Variants in ADGRB1 observed in about 807,000 individuals in gnomAD.
The protein encoded by ADGRB1 is brain-specific angiogenesis inhibitor 1.
Under a neutral mutation model 175.7 loss-of-function variants are expected in ADGRB1, and 36 were observed. The observed-to-expected ratio is 0.20, with a 90% CI of 0.16 to 0.27. ADGRB1 has a LOEUF of 0.27. Ranked by LOEUF, ADGRB1 falls within the 10% of genes least tolerant of loss-of-function variation. The probability of loss-of-function intolerance (pLI) is 1.00; values close to 1 mark genes in which losing one functional copy is unlikely to be tolerated. For missense variants in ADGRB1, 1,731 were observed against 2,255.3 expected (o/e 0.77, Z 4.71); for synonymous variants, 1,054 against 979.4 (o/e 1.08, Z -1.42).
chr8:142,478,435 G>A (rs1385664491), intron 7 of ADGRB1, 75 bp downstream of exon 7: 6 of 1,437,648 alleles, frequency 4.2e-6, no homozygotes, highest in Non-Finnish European at 5.5e-6. Flanking sequence ...AGGCCCCACA[G>A]CGGGTGGGGG....
At position 142,493,063 on chromosome 8, in the gene ADGRB1, C is replaced by T. The variant is rs1156571158; in HGVS notation, c.2675+2248C>T. Among the ~76,000 whole-genome samples, 4 of 151,938 alleles carry T rather than the reference C, an allele frequency of 2.6e-5. No individual in the cohort carries two copies. Among genetic ancestry groups the T allele is most frequent in the Admixed American group, 6.5e-5 (1 of 15,274 alleles). ...GCGATCTTGCGAGGACAGCTTCACC[C>T]GTACTTCTGATTGCTCCCTGGGGAT... On this transcript the variant is annotated intron_variant, in intron 17 of 30. Coordinates refer to ENST00000517894, the MANE Select transcript of ADGRB1 (RefSeq NM_001702.3). This position sits in a 1 kb window ranked among gnomAD's most constrained non-coding sequence, Gnocchi z 5.0.
chr8:142,544,584 G>A lies in ADGRB1; in HGVS notation c.*167G>A. The A allele has an allele frequency of 3.7e-6, 3 of 804,908 alleles. No homozygotes were observed. Among genetic ancestry groups the A allele is most frequent in the Non-Finnish European group, 5.3e-6 (3 of 570,972 alleles). 49.9% of individuals were successfully genotyped at this position (804,908 alleles called of 1,614,324 possible). On this transcript the variant is annotated 3_prime_UTR_variant, in exon 31 of 31. Coordinates refer to ENST00000517894, the MANE Select transcript of ADGRB1 (RefSeq NM_001702.3). ...CACAGGGCCCGCAGTGCTGGGACCA[G>A]AGCCAGATGCAGGACAGGAGGCGGC...
chr8:142,476,857 A>G (rs1841007691), intron 4 of ADGRB1, among the ~76,000 whole-genome samples, 162 bp downstream of exon 4: 1 of 152,202 alleles, frequency 6.6e-6, no homozygotes, highest in Non-Finnish European at 1.5e-5. Flanking sequence ...CATTAGGGGA[A>G]CTGGTGTGAG....
rs74775392 is a variant in ADGRB1, at chr8:142,527,945, G to A, written c.3398+1318G>A. On this transcript the variant is annotated intron_variant, in intron 24 of 30. Coordinates refer to ENST00000517894, the MANE Select transcript of ADGRB1 (RefSeq NM_001702.3). ...GCACACACTAGAACTAAGCCCAGGC[G>A]GCCTGCACTCTGCCCACCTCACCCT... Among the ~76,000 whole-genome samples the A allele has an allele frequency of 6.3e-3, 953 of 152,326 alleles. 5 individuals carry two copies. The highest frequency in any genetic ancestry group is 0.01 in the South Asian group (49 of 4,834).
At chr8:142,457,361 G>C (rs1285543704) in intron 1 of ADGRB1, among the ~76,000 whole-genome samples, 5 of 152,212 alleles carry the variant, frequency 3.3e-5, no homozygotes, top group Non-Finnish European at 7.4e-5. Context: ...AGCGGAGCTT[G>C]GCACAGGACA....
chr8:142,465,109 G>A (rs1563680599), intron 2 of ADGRB1, 127 bp downstream of exon 2: 3 of 806,616 alleles, frequency 3.7e-6, no homozygotes, highest in African/African-American at 1.9e-5. Flanking sequence ...GCGGAGGTGG[G>A]TGGGTAGGGG....
chr8:142,523,741 G>A (rs555427586), intron 22 of ADGRB1, among the ~76,000 whole-genome samples: 60 of 144,792 alleles, frequency 4.1e-4, no homozygotes, highest in African/African-American at 1.4e-3. Flanking sequence ...CACAGGTGGT[G>A]TCCAGAGATC....
rs775749064 is a variant in ADGRB1 at position 142,518,189 on chromosome 8, G to A, written c.2869G>A (p.Val957Met). ...GGTGACGCTCATCGTGGGCTGTGGC[G>A]TGTCCTCTCTCACCCTGCTCATGCT... ...PSVTLIVGCG[V>M]SSLTLLMLVI... is the part of the protein sequence containing the mutation. Residue 957 changes from valine (V) to methionine (M), a missense_variant, in exon 19 of 31, where the codon GTG (valine) becomes ATG (methionine). By Grantham distance (21) the Val-to-Met change is conservative. Around this residue, in one of 8 missense-constraint regions of ADGRB1, gnomAD observed 301 missense variants for 488.4 expected, o/e 0.62. Transcript: ENST00000517894. 20 of 1,613,696 alleles carry A rather than the reference G, an allele frequency of 1.2e-5. No individual in the cohort carries two copies. Among genetic ancestry groups the A allele is most frequent in the South Asian group, 4.4e-5 (4 of 91,090 alleles).
chr8:142,456,404 G>A (rs1003407778), intron 1 of ADGRB1, among the ~76,000 whole-genome samples: 11 of 151,936 alleles, frequency 7.2e-5, no homozygotes, highest in African/African-American at 2.2e-4. Context: ...CTCACAAAAG[G>A]AGCATGCACA....
rs903826610 is a variant in ADGRB1 at position 142,493,724 on chromosome 8, G to A, written c.2675+2909G>A. Among the ~76,000 whole-genome samples, 5 of 152,220 alleles carry A rather than the reference G, an allele frequency of 3.3e-5. No homozygotes were observed. The highest frequency in any genetic ancestry group is 7.3e-5 in the Non-Finnish European group (5 of 68,038). ...CCGCTGAAAGCACAGCGCAGTGATC[G>A]AGGCCTTCTGCTCTGGAACTGGGCA... On this transcript the variant is annotated intron_variant, in intron 17 of 30. Coordinates refer to ENST00000517894, the MANE Select transcript of ADGRB1 (RefSeq NM_001702.3). The surrounding 1 kb of genome is among the most constrained non-coding windows in gnomAD (Gnocchi z 5.0).
chr8:142,501,180 G>T (rs2131966086), intron 17 of ADGRB1, among the ~76,000 whole-genome samples: 1 of 152,348 alleles, frequency 6.6e-6, no homozygotes, highest in South Asian at 2.1e-4. Context: ...GTGACCGGTG[G>T]TCATTGTGAT....
rs141308220 is a variant in ADGRB1 at position 142,486,847 on chromosome 8, T to G, written c.2309-1517T>G. On this transcript the variant is annotated intron_variant, in intron 13 of 30. Coordinates refer to ENST00000517894, the MANE Select transcript of ADGRB1 (RefSeq NM_001702.3). Reference sequence around the variant, plus strand: ...CAGCCTGGGCAGCACAGTGGGACCCTGTCTCTACAAATGTTTTTAAAAAAA... The same window carrying G: ...CAGCCTGGGCAGCACAGTGGGACCCGGTCTCTACAAATGTTTTTAAAAAAA... 5.2e-3 allele frequency among the ~76,000 whole-genome samples: 794 copies of G among 151,910 alleles called. 30 individuals carry two copies. The highest frequency in any genetic ancestry group is 0.044 in the Admixed American group (673 of 15,264).
At chr8:142,482,441 T>C (rs1841407620) in intron 11 of ADGRB1, among the ~76,000 whole-genome samples, 1 of 138,356 alleles carries the variant, frequency 7.2e-6, no homozygotes, top group Non-Finnish European at 1.5e-5. Context: ...CTTGGTCACC[T>C]GCTGAACCCT....
chr8:142,477,019 C>A, intron 4 of ADGRB1, 95 bp from the exon 5 acceptor site: 4 of 1,406,078 alleles, frequency 2.8e-6, no homozygotes, highest in South Asian at 1.5e-5. Context: ...GCTGCCTGCT[C>A]CCCAGCAGGG....
At chr8:142,520,960 A>G (rs768604071) in intron 20 of ADGRB1, 35 bp downstream of exon 20, 7 of 1,571,922 alleles carry the variant, frequency 4.5e-6, no homozygotes, top group African/African-American at 1.4e-5. Flanking sequence ...GCACTTCCCA[A>G]CATCCTCGGG....
At chr8:142,468,088 TGC>T (rs1212839435) in intron 2 of ADGRB1, among the ~76,000 whole-genome samples, 4 of 152,176 alleles carry the variant, frequency 2.6e-5, no homozygotes, top group Non-Finnish European at 4.4e-5. Flanking sequence ...GTGTTGTGTG[TGC>T]GTGTTCATGC....
Position 142,533,907 on chromosome 8 carries a change from C to T in ADGRB1, c.3570+441C>T, listed in dbSNP as rs554659281. Among the ~76,000 whole-genome samples, 13 of 152,314 alleles carry T rather than the reference C, an allele frequency of 8.5e-5. No individual in the cohort carries two copies. The East Asian group carries it at 1.2e-3, about 14-fold the overall frequency. On this transcript the variant is annotated intron_variant, in intron 25 of 30. Transcript: ENST00000517894. ...CCAACTACCGCCTGGCTGGTGGCCA[C>T]GATTGGGATGCTCTTGCGGAGGCTG... is the stretch of plus-strand genomic sequence containing the variant.
rs1212164039 is a variant in ADGRB1, at chr8:142,478,319, A to G, written c.1520A>G (p.His507Arg). Residue 507 changes from histidine to arginine, a missense_variant, in exon 7 of 31, where the codon CAC becomes CGC. His to Arg is a conservative substitution (Grantham distance 29, BLOSUM62 0). Coordinates refer to ENST00000517894, the MANE Select transcript of ADGRB1 (RefSeq NM_001702.3). ...PSYGGAECQG[H>R]WVETRDCFLQ... ...TACGGGGGTGCGGAGTGCCAGGGCC[A>G]CTGGGTGGAGACCCGAGACTGCTTC... The G allele has an allele frequency of 6.2e-7, 1 of 1,609,976 alleles. No homozygotes were observed. Among genetic ancestry groups the G allele is most frequent in the African/African-American group, 1.3e-5 (1 of 74,778 alleles).
chr8:142,474,491 G>A lies in ADGRB1; in HGVS notation c.785-983G>A, dbSNP rs1840836952. Among the ~76,000 whole-genome samples, 1 of 152,158 alleles carries A rather than the reference G, an allele frequency of 6.6e-6. No individual in the cohort carries two copies. Among genetic ancestry groups the A allele is most frequent in the African/African-American group, 2.4e-5 (1 of 41,418 alleles). On this transcript the variant is annotated intron_variant, in intron 2 of 30. Coordinates refer to ENST00000517894, the MANE Select transcript of ADGRB1 (RefSeq NM_001702.3). The surrounding 1 kb of genome is among the most constrained non-coding windows in gnomAD (Gnocchi z 5.8). Reference sequence around the variant, plus strand: ...GGCAGGAGGCCCGAGCGGGAGGCCTGGACGCGGCAGCCCCTTCCCGGCCCC... The same window carrying A: ...GGCAGGAGGCCCGAGCGGGAGGCCTAGACGCGGCAGCCCCTTCCCGGCCCC...
Sources: gnomAD v4.1 joint callset for allele counts (sites outside exome capture counted in the v4.1 genomes callset) on GRCh38, gnomAD v4.1.1 for gene constraint, gnomAD v4.1.1 regional missense constraint, Gnocchi (gnomAD v3.1) non-coding constraint, MANE v1.5 for transcripts, NCBI Gene and HGNC (gene_info 2026-07-23, HGNC 2026-07-21) for gene names.